The following GLI1 variants were observed in gnomAD, a reference collection of about 807,000 sequenced individuals.
The protein encoded by GLI1 is transcription activator GLI1.
Under a neutral mutation model 87.8 loss-of-function variants are expected in GLI1, and 51 were observed. The ratio of observed to expected loss-of-function variants is 0.58; its 90% confidence interval spans 0.46 to 0.73. GLI1 has a LOEUF of 0.73. Ranked by LOEUF, GLI1 falls within the 30% of genes least tolerant of loss-of-function variation. The pLI, the probability that GLI1 is intolerant of heterozygous loss-of-function variation, is 0.00. For missense variants in GLI1, 1,292 were observed against 1,437.2 expected, an observed-to-expected ratio of 0.90 and a Z score of 1.63; for synonymous variants, 528 against 558.2, an observed-to-expected ratio of 0.95 and a Z score of 0.76.
rs1320393599 is a variant in GLI1 at position 57,465,664 on chromosome 12, G to C, written c.592G>C (p.Asp198His). 1 of 1,614,200 alleles carries C rather than the reference G, an allele frequency of 6.2e-7. No homozygotes were observed. Among genetic ancestry groups the C allele is most frequent in the East Asian group, 2.2e-5 (1 of 44,890 alleles). Reference protein sequence around the residue: ...GKCREEPLEGDMSSPNSTGIQ... With the variant: ...GKCREEPLEGHMSSPNSTGIQ... ...GTGCCGGGAGGAACCCTTGGAAGGT[G>C]ATATGTCCAGCCCCAACTCCACAGG... is the stretch of plus-strand genomic sequence containing the variant. The change falls in exon 6 of 12, where the codon GAT becomes CAT. Residue 198 changes from aspartate (D) to histidine (H), a missense_variant. Coordinates refer to ENST00000228682, the MANE Select transcript of GLI1 (RefSeq NM_005269.3).
intron 11 of GLI1, among the ~76,000 whole-genome samples, chr12:57,469,927 C>G (rs1871754457): frequency 6.6e-6 from 1 of 152,202 alleles, no homozygotes; most frequent in Non-Finnish European, 1.5e-5. Context: ...ACTCAGGAAG[C>G]TGAAGCAGGA....
intron 8 of GLI1, among the ~76,000 whole-genome samples, chr12:57,467,110 C>T (rs1429599721): frequency 6.6e-6 from 1 of 152,122 alleles, no homozygotes; most frequent in Non-Finnish European, 1.5e-5. Flanking sequence ...TCAGAAGATG[C>T]TCTAGCATCT....
rs200253557 is a variant in GLI1, at chr12:57,466,281, C to T, written c.804C>T (p.Phe268=). The T allele has an allele frequency of 6.6e-5, 107 of 1,613,970 alleles. 1 individual carries two copies. In the Admixed American group the frequency reaches 9.3e-4, roughly 14 times the overall value. The part of the protein sequence containing the change: ...SEHIHGERKE[F]VCHWGGCSRE... ...ACATCCACGGGGAGCGGAAGGAGTT[C>T]GTGTGCCACTGGGGGGGCTGCTCCA... The change falls in exon 8 of 12, where the codon TTC becomes TTT. Residue 268 remains phenylalanine (F), a synonymous_variant. Coordinates refer to ENST00000228682, the MANE Select transcript of GLI1 (RefSeq NM_005269.3).
chr12:57,467,520 C>T, intron 9 of GLI1, 23 bp downstream of exon 9: 4 of 1,569,688 alleles, frequency 2.5e-6, no homozygotes, highest in Admixed American at 3.5e-5. Flanking sequence ...ACTAAGCGAC[C>T]CTCCCCTCTT....
rs1555155013 is a variant in GLI1 at position 57,467,500 on chromosome 12, G to A, written c.1077+3G>A. 1.3e-6 allele frequency: 2 copies of A among 1,592,828 alleles called. No homozygotes were observed. The highest frequency in any genetic ancestry group is 1.3e-5 in the African/African-American group (1 of 74,578). On this transcript the variant is annotated splice_donor_region_variant and intron_variant, in intron 9 of 11. Transcript: ENST00000228682. ...AGAATCGGACCCATTCCAATGAGGT[G>A]AATGCCCTAACTAAGCGACCCTCCC...
At chr12:57,470,209 TA>T in intron 11 of GLI1, 107 bp from the exon 12 acceptor site, 1 of 806,504 alleles carries the variant, frequency 1.2e-6, no homozygotes, top group Non-Finnish European at 2.0e-6. Flanking sequence ...TGGTTAGGGA[TA>T]ACGAGCTTAC....
In GLI1 at chr12:57,465,678, C is replaced by T; in HGVS notation, c.606C>T (p.Pro202=). Residue 202 remains proline, a synonymous_variant, in exon 6 of 12, where the codon CCC becomes CCT. Transcript: ENST00000228682. ...EEPLEGDMSS[P]NSTGIQDPLL... is the part of the protein sequence containing the mutation. ...CCTTGGAAGGTGATATGTCCAGCCC[C>T]AACTCCACAGGCATACAGGTAAGGG... 6.2e-7 allele frequency: 1 copy of T among 1,614,084 alleles called. No individual in the cohort carries two copies. Among genetic ancestry groups the T allele is most frequent in the Non-Finnish European group, 8.5e-7 (1 of 1,179,938 alleles).
intron 11 of GLI1, among the ~76,000 whole-genome samples, 159 bp from the exon 12 acceptor site, chr12:57,470,158 G>A (rs1871771292): frequency 6.6e-6 from 1 of 152,198 alleles, no homozygotes; most frequent in East Asian, 1.9e-4. Flanking sequence ...TGGTAACCCA[G>A]AAACAGAATA....
At chr12:57,469,820 CTTCCTCAAGACACT>C (rs1871749031) in intron 11 of GLI1, 122 bp downstream of exon 11, 1 of 842,290 alleles carries the variant, frequency 1.2e-6, no homozygotes, top group Non-Finnish European at 1.8e-6. Flanking sequence ...AAATGGTGTC[CTTCCTCAAGACACT>C]TTCCATTTAT....
In GLI1 at chr12:57,464,843, G is replaced by C. The variant is rs367757660; in HGVS notation, c.364G>C (p.Gly122Arg). ...SRCTSPGGSY[G>R]HLSIGTMSPS... Reference sequence around the variant, plus strand: ...ATGCACATCTCCAGGAGGCTCCTACGGTCATCTCTCCATTGGCACCATGAG... The same window carrying C: ...ATGCACATCTCCAGGAGGCTCCTACCGTCATCTCTCCATTGGCACCATGAG... Residue 122 changes from glycine to arginine, a missense_variant, in exon 4 of 12, where the codon GGT (glycine) becomes CGT (arginine). By Grantham distance (125) the Gly-to-Arg change is moderately radical (BLOSUM62 -2). Transcript: ENST00000228682. 8 of 1,613,760 alleles carry C rather than the reference G, an allele frequency of 5.0e-6. No individual in the cohort carries two copies. Among genetic ancestry groups the C allele is most frequent in the Non-Finnish European group, 6.8e-6 (8 of 1,179,682 alleles).
rs566991727 is a variant in GLI1, at chr12:57,470,461, G to C, written c.1721G>C (p.Gly574Ala). 17 of 1,614,016 alleles carry C rather than the reference G, an allele frequency of 1.1e-5. No individual in the cohort carries two copies. Among genetic ancestry groups the C allele is most frequent in the Admixed American group, 1.7e-5 (1 of 59,998 alleles). The change falls in exon 12 of 12, where the codon GGA becomes GCA. Residue 574 changes from glycine (G) to alanine (A), a missense_variant. Around this residue, in one of 3 missense-constraint regions of GLI1, gnomAD observed 897 missense variants for 1,040.7 expected, o/e 0.86. Transcript: ENST00000228682. ...CCCCCTGGCTCCCCACCAGAGAATG[G>C]AGCATCCTCCCTGCCTGGCCTTATG... ...PFPPGSPPEN[G>A]ASSLPGLMPA...
intron 5 of GLI1, 155 bp downstream of exon 5, chr12:57,465,410 G>A: frequency 1.3e-6 from 1 of 757,962 alleles, no homozygotes; most frequent in Non-Finnish European, 2.1e-6. Context: ...CCTTGCAGTT[G>A]AGTCAGACGC....
In GLI1 at chr12:57,465,916, G is replaced by A. The variant is rs141172443; in HGVS notation, c.753G>A (p.Gln251=). The change falls in exon 7 of 12, where the codon CAG becomes CAA. Residue 251 remains glutamine, a synonymous_variant. Transcript: ENST00000228682. ...GCCAGGAATTTGACTCCCAAGAGCA[G>A]CTGGTGCACGTGAGCCCCAGGGGGT... The part of the protein sequence containing the change: ...GCSQEFDSQE[Q]LVHHINSEHI... The A allele has an allele frequency of 4.3e-5, 69 of 1,613,994 alleles. No homozygotes were observed. The African/African-American group carries it at 8.9e-4, about 21-fold the overall frequency.
chr12:57,470,181 G>A, intron 11 of GLI1, 136 bp from the exon 12 acceptor site: 2 of 693,222 alleles, frequency 2.9e-6, no homozygotes, highest in South Asian at 3.6e-5. Context: ...CATGGGAGAA[G>A]TAGGAGACAG....
intron 9 of GLI1, 100 bp downstream of exon 9, chr12:57,467,597 G>T: frequency 1.0e-6 from 1 of 993,606 alleles, no homozygotes; most frequent in Non-Finnish European, 1.5e-6. Context: ...CTCCACAGAG[G>T]TGAGTCCCCC....
intron 11 of GLI1, among the ~76,000 whole-genome samples, chr12:57,469,913 A>G (rs1163781760): frequency 1.3e-5 from 2 of 152,222 alleles, no homozygotes; most frequent in Non-Finnish European, 2.9e-5. Context: ...CTGTAATCCC[A>G]GCTACTCAGG....
rs1871967948 is a variant in GLI1 at position 57,471,734 on chromosome 12, C to T, written c.2994C>T (p.Cys998=). 6.4e-7 allele frequency: 1 copy of T among 1,572,966 alleles called. No homozygotes were observed. The highest frequency in any genetic ancestry group is 8.6e-7 in the Non-Finnish European group (1 of 1,159,032). Residue 998 remains cysteine, a synonymous_variant, in exon 12 of 12, where the codon TGC becomes TGT. Transcript: ENST00000228682. This position sits in a 1 kb window ranked among gnomAD's most constrained non-coding sequence, Gnocchi z 4.9. ...GACTTCTGCCCCCATTGCCCACTTG[C>T]TATGGGCCTCTCAAAGTGGGAGGCA... ...PPRLLPPLPT[C]YGPLKVGGTN... is the part of the protein sequence containing the mutation.
chr12:57,471,645 C>A lies in GLI1; in HGVS notation c.2905C>A (p.Pro969Thr). Residue 969 changes from proline (P) to threonine (T), a missense_variant, in exon 12 of 12, where the codon CCA becomes ACA. Pro to Thr is a conservative substitution (Grantham distance 38, BLOSUM62 -1). Coordinates refer to ENST00000228682, the MANE Select transcript of GLI1 (RefSeq NM_005269.3). The surrounding 1 kb of genome is among the most constrained non-coding windows in gnomAD (Gnocchi z 4.9). ...HKSGSYPTPS[P>T]CHENFVVGAN... ...GTCAGGTTCCTATCCCACCCCTTCA[C>A]CATGCCATGAAAATTTTGTAGTGGG... 2 of 1,613,312 alleles carry A rather than the reference C, an allele frequency of 1.2e-6. No homozygotes were observed. The highest frequency in any genetic ancestry group is 1.7e-6 in the Non-Finnish European group (2 of 1,179,644).
At chr12:57,461,584 C>G (rs1237105482) in intron 1 of GLI1, among the ~76,000 whole-genome samples, 2 of 152,250 alleles carry the variant, frequency 1.3e-5, no homozygotes, top group Non-Finnish European at 2.9e-5. Context: ...GTAGTGCCCC[C>G]CTGGGCGCCA....
Sources: gnomAD v4.1 joint callset for allele counts (sites outside exome capture counted in the v4.1 genomes callset) on GRCh38, gnomAD v4.1.1 for gene constraint, gnomAD v4.1.1 regional missense constraint, Gnocchi (gnomAD v3.1) non-coding constraint, MANE v1.5 for transcripts, NCBI Gene and HGNC (gene_info 2026-07-23, HGNC 2026-07-21) for gene names.